The following ESR1 variants were observed in gnomAD, a reference collection of about 807,000 sequenced individuals.
The protein encoded by ESR1 is estrogen receptor.
Under a neutral mutation model 52.7 loss-of-function variants are expected in ESR1, and 12 were observed. That is an observed-to-expected ratio of 0.23 (90% CI 0.15 to 0.37). The LOEUF (loss-of-function observed/expected upper bound fraction) is 0.37. ESR1 is among the 10% of genes least tolerant of loss of function. ESR1 has a pLI of 1.00. For synonymous variants in ESR1, 305 were observed against 316.8 expected (o/e 0.96, Z 0.39); for missense variants, 584 against 779.7 (o/e 0.75, Z 2.99).
At chr6:152,003,305 A>T (rs1310831499) in intron 4 of ESR1, among the ~76,000 whole-genome samples, 1 of 151,328 alleles carries the variant, frequency 6.6e-6, no homozygotes, top group Non-Finnish European at 1.5e-5. Flanking sequence ...TCATCAAACA[A>T]CTTACTTGTT....
chr6:152,014,149 G>A (rs1443001594), intron 5 of ESR1, among the ~76,000 whole-genome samples: 1 of 152,110 alleles, frequency 6.6e-6, no homozygotes, highest in Admixed American at 6.6e-5. Context: ...TGATTGTGAG[G>A]CTTCCCCAGT....
intron 3 of ESR1, among the ~76,000 whole-genome samples, chr6:151,888,582 A>C (rs776564406): frequency 6.6e-6 from 1 of 152,156 alleles, no homozygotes; most frequent in Non-Finnish European, 1.5e-5. Flanking sequence ...GTCTATACTT[A>C]CATGATCTAT....
chr6:151,695,038 C>A (rs970079827), intron 1 of ESR1, among the ~76,000 whole-genome samples: 5 of 152,066 alleles, frequency 3.3e-5, no homozygotes, highest in Non-Finnish European at 7.4e-5. Context: ...AGTATGGATG[C>A]GGTTTTGAGG....
chr6:151,835,914 C>G (rs1406408599), intron 1 of ESR1, among the ~76,000 whole-genome samples: 1 of 152,012 alleles, frequency 6.6e-6, no homozygotes, highest in Admixed American at 6.6e-5. Context: ...TTTACATTCT[C>G]AAACAGGTTT....
chr6:152,055,326 C>T (rs989117324), intron 5 of ESR1, among the ~76,000 whole-genome samples: 1 of 152,136 alleles, frequency 6.6e-6, no homozygotes, highest in Admixed American at 6.5e-5. Flanking sequence ...TTCACTTTTC[C>T]TCATGTCCTC....
At chr6:151,808,545 G>A (rs1380220272) in intron 1 of ESR1, among the ~76,000 whole-genome samples, 181 bp downstream of exon 1, 1 of 152,152 alleles carries the variant, frequency 6.6e-6, no homozygotes. Context: ...AGCCCGCGCT[G>A]CGTTCAGAGT....
intron 5 of ESR1, among the ~76,000 whole-genome samples, chr6:152,057,694 TACACACACACACAC>T (rs10560254): frequency 8.2e-5 from 12 of 145,726 alleles, no homozygotes; most frequent in African/African-American, 2.7e-4. Flanking sequence ...TACACATGCA[TACACACACACACAC>T]ACACACACAC....
At position 152,098,986 on chromosome 6, in the gene ESR1, C is replaced by T. The variant is rs114409231; in HGVS notation, c.*20C>T. 87 of 1,592,632 alleles carry T rather than the reference C, an allele frequency of 5.5e-5. No homozygotes were observed. Among genetic ancestry groups the T allele is most frequent in the Middle Eastern group, 3.3e-4 (2 of 6,024 alleles). On this transcript the variant is annotated 3_prime_UTR_variant, in exon 8 of 8. Transcript: ENST00000206249. This position sits in a 1 kb window ranked among gnomAD's most constrained non-coding sequence, Gnocchi z 5.1. ...GTCTGAGAGCTCCCTGGCTCCCACA[C>T]GGTTCAGATAATCCCTGCTGCATTT...
At chr6:152,024,067 C>G (rs1010157502) in intron 5 of ESR1, among the ~76,000 whole-genome samples, 3 of 152,072 alleles carry the variant, frequency 2.0e-5, no homozygotes, top group Admixed American at 6.6e-5. Context: ...ATACAGTATG[C>G]AATAAAGAAT....
chr6:151,733,071 A>G (rs1445549796), intron 2 of ESR1, among the ~76,000 whole-genome samples: 1 of 152,188 alleles, frequency 6.6e-6, no homozygotes, highest in African/African-American at 2.4e-5. Context: ...TATTTATGGA[A>G]CATTTATTAT....
intron 2 of ESR1, among the ~76,000 whole-genome samples, chr6:151,757,844 G>A (rs557675342): frequency 7.9e-5 from 12 of 152,296 alleles, no homozygotes; most frequent in African/African-American, 2.9e-4. Context: ...AAAACTGAGA[G>A]CCAGGAATGA....
chr6:152,125,352 C>A (rs2813563), exon 7 of ESR1: 1 of 1,549,738 alleles, frequency 6.5e-7, no homozygotes, highest in Non-Finnish European at 8.7e-7. Context: ...TGTCTAAAGC[C>A]TCTGGTCATA....
At chr6:152,118,044 C>T (rs570107665) in intron 6 of ESR1, among the ~76,000 whole-genome samples, 15 of 152,266 alleles carry the variant, frequency 9.9e-5, no homozygotes, top group African/African-American at 3.4e-4. Flanking sequence ...TGCTTATAAA[C>T]CACTCCACCT....
chr6:151,677,508 C>T (rs764791005), intron 1 of ESR1, among the ~76,000 whole-genome samples: 9 of 152,148 alleles, frequency 5.9e-5, no homozygotes, highest in Admixed American at 1.3e-4. Flanking sequence ...TTTTTCTTGG[C>T]GGAGTAAACA....
At chr6:151,904,372 A>T (rs1797133183) in intron 3 of ESR1, among the ~76,000 whole-genome samples, 1 of 152,206 alleles carries the variant, frequency 6.6e-6, no homozygotes, top group Non-Finnish European at 1.5e-5. Flanking sequence ...TTAGCAGCTG[A>T]CACTGCTATA....
chr6:151,990,577 C>A (rs1203552438), intron 4 of ESR1, among the ~76,000 whole-genome samples: 2 of 152,218 alleles, frequency 1.3e-5, no homozygotes, highest in East Asian at 3.9e-4. Context: ...CTCTTTTGCT[C>A]CCATTCCATG....
intron 4 of ESR1, chr6:151,983,676 T>C (rs1202420150): frequency 6.6e-6 from 1 of 152,170 alleles, no homozygotes; most frequent in Non-Finnish European, 1.5e-5. Flanking sequence ...CAGAAGGTTT[T>C]TGATGGCTTC....
At chr6:151,797,341 C>G (rs1434003706) in intron 2 of ESR1, among the ~76,000 whole-genome samples, 1 of 152,174 alleles carries the variant, frequency 6.6e-6, no homozygotes, top group African/African-American at 2.4e-5. Context: ...TTTGAGAAAG[C>G]TAAACCAGCA....
At chr6:151,748,846 T>C (rs1339687009) in intron 2 of ESR1, among the ~76,000 whole-genome samples, 2 of 152,202 alleles carry the variant, frequency 1.3e-5, no homozygotes, top group Admixed American at 6.5e-5. Flanking sequence ...CTGAGAAATA[T>C]GCAGGCATAG....
Sources: allele counts gnomAD v4.1 joint callset (sites outside exome capture counted in the v4.1 genomes callset), GRCh38; gene constraint gnomAD v4.1.1; non-coding constraint Gnocchi (gnomAD v3.1); transcripts MANE v1.5; gene names NCBI Gene and HGNC (gene_info 2026-07-23, HGNC 2026-07-21).